Variants in TBC1D22A observed in about 807,000 individuals in gnomAD.
The protein encoded by TBC1D22A is putative GTPase activator.
Under a neutral mutation model 60.2 loss-of-function variants are expected in TBC1D22A, and 38 were observed. That is an observed-to-expected ratio of 0.63 (90% CI 0.49 to 0.83). The LOEUF is 0.83. Ranked by LOEUF, TBC1D22A falls within the 40% of genes least tolerant of loss-of-function variation. The probability of loss-of-function intolerance (pLI) is 0.00; values close to 1 mark genes in which losing one functional copy is unlikely to be tolerated. For synonymous variants in TBC1D22A, 302 were observed against 281.7 expected (o/e 1.07, Z -0.72); for missense variants, 628 against 701.0 (o/e 0.90, Z 1.18).
At chr22:46,974,940 T>C (rs959312119) in intron 9 of TBC1D22A, among the ~76,000 whole-genome samples, 1 of 152,170 alleles carries the variant, frequency 6.6e-6, no homozygotes, top group African/African-American at 2.4e-5. Flanking sequence ...CTGCATCAGC[T>C]AGGGTTAGTG....
intron 5 of TBC1D22A, among the ~76,000 whole-genome samples, chr22:46,884,302 T>TA (rs2068000776): frequency 6.6e-6 from 1 of 152,034 alleles, no homozygotes; most frequent in African/African-American, 2.4e-5. Context: ...AGCAGGGACT[T>TA]AGAGGAGCAA....
chr22:46,995,508 G>C lies in TBC1D22A; in HGVS notation c.1126-2126G>C, dbSNP rs6009091. Among the ~76,000 whole-genome samples, 1,138 of 148,246 alleles carry C rather than the reference G, an allele frequency of 7.7e-3. 19 individuals are homozygous for C. Among genetic ancestry groups the C allele is most frequent in the African/African-American group, 0.029 (1,084 of 37,760 alleles). The stretch of plus-strand genomic sequence containing the variant: ...TCATGTGTGCTCTGCGTGTGTGCAC[G>C]CACTTTGTGTGTGTGTGTGTGTGTG... On this transcript the variant is annotated intron_variant, in intron 9 of 12. Coordinates refer to ENST00000337137, the MANE Select transcript of TBC1D22A (RefSeq NM_014346.5).
chr22:47,044,933 C>G (rs1380249878), intron 11 of TBC1D22A, among the ~76,000 whole-genome samples: 1 of 152,212 alleles, frequency 6.6e-6, no homozygotes, highest in Non-Finnish European at 1.5e-5. Flanking sequence ...CCCTGCAGGC[C>G]TGGCGTGCTC....
At chr22:46,819,896 T>C (rs1254220695) in intron 4 of TBC1D22A, among the ~76,000 whole-genome samples, 1 of 152,238 alleles carries the variant, frequency 6.6e-6, no homozygotes, top group Non-Finnish European at 1.5e-5. Flanking sequence ...AGGCTATTAA[T>C]TACTGCCTCA....
At chr22:47,055,750 C>T (rs972950324) in intron 11 of TBC1D22A, among the ~76,000 whole-genome samples, 2 of 151,942 alleles carry the variant, frequency 1.3e-5, no homozygotes, top group African/African-American at 4.8e-5. Flanking sequence ...GAGGAAAAGG[C>T]CATTTAAAAG....
chr22:47,068,059 C>T (rs568793405), intron 11 of TBC1D22A, among the ~76,000 whole-genome samples: 6 of 152,390 alleles, frequency 3.9e-5, no homozygotes, highest in East Asian at 1.9e-4. Flanking sequence ...TCCGCGAAAG[C>T]GCTCGGCAGG....
chr22:46,860,701 G>T (rs1447702796), intron 4 of TBC1D22A, among the ~76,000 whole-genome samples: 1 of 152,232 alleles, frequency 6.6e-6, no homozygotes, highest in Non-Finnish European at 1.5e-5. Context: ...TCCTGGCTCT[G>T]GCGTGGCCAG....
chr22:47,122,816 G>GTGTGCCCAGCCTCTCTGGC (rs2066317683), intron 12 of TBC1D22A, among the ~76,000 whole-genome samples: 2 of 152,208 alleles, frequency 1.3e-5, no homozygotes, highest in Non-Finnish European at 2.9e-5. Flanking sequence ...TGGTGCCAGG[G>GTGTGCCCAGCCTCTCTGGC]TGTGCCCAGC....
chr22:46,854,709 G>A (rs576492185), intron 4 of TBC1D22A, among the ~76,000 whole-genome samples: 123 of 152,226 alleles, frequency 8.1e-4, no homozygotes, highest in African/African-American at 2.9e-3. Context: ...TGCATTCCAG[G>A]TCCTGGCAGG....
intron 8 of TBC1D22A, among the ~76,000 whole-genome samples, chr22:46,946,712 CAGCATCCTCAGCTGCTGTTGCAGCA>C (rs2072569639): frequency 6.6e-6 from 1 of 152,228 alleles, no homozygotes. Flanking sequence ...CATTCAGTCA[CAGCATCCTCAGCTGCTGTTGCAGCA>C]AGTCTGTGCT....
chr22:46,878,791 A>G (rs550567986), intron 5 of TBC1D22A, 68 bp downstream of exon 5: 1 of 1,504,416 alleles, frequency 6.6e-7, no homozygotes, highest in Non-Finnish European at 9.2e-7. Context: ...GTCTGGCCTG[A>G]GTAGGGCCTG....
intron 5 of TBC1D22A, among the ~76,000 whole-genome samples, chr22:46,883,427 T>C (rs1415405803): frequency 6.6e-6 from 1 of 152,248 alleles, no homozygotes; most frequent in Non-Finnish European, 1.5e-5. Context: ...TAATTTCTAG[T>C]CTTGCTTAAT....
Position 46,990,880 on chromosome 22 carries a change from G to C in TBC1D22A, c.1126-6754G>C, listed in dbSNP as rs1442549603. Among the ~76,000 whole-genome samples the C allele has an allele frequency of 3.3e-5, 5 of 152,208 alleles. No homozygotes were observed. The highest frequency in any genetic ancestry group is 1.2e-4 in the African/African-American group (5 of 41,452). On this transcript the variant is annotated intron_variant, in intron 9 of 12. Transcript: ENST00000337137. This position sits in a 1 kb window ranked among gnomAD's most constrained non-coding sequence, Gnocchi z 4.6. ...AAGTGACCATGGATGGCCTCCTCCT[G>C]CTGGTGTGCCGCTTTACTCTGCTGG...
chr22:46,964,065 C>T (rs977463195), intron 8 of TBC1D22A, among the ~76,000 whole-genome samples: 1 of 152,204 alleles, frequency 6.6e-6, no homozygotes, highest in Non-Finnish European at 1.5e-5. Flanking sequence ...CGGGCTCCTG[C>T]CCCTCCTTGG....
In TBC1D22A at chr22:47,125,228, C is replaced by G. The variant is rs1430267570; in HGVS notation, c.1425+13625C>G. Among the ~76,000 whole-genome samples the G allele has an allele frequency of 2.0e-5, 3 of 152,194 alleles. No individual in the cohort carries two copies. The East Asian group carries it at 5.8e-4, about 29-fold the overall frequency. On this transcript the variant is annotated intron_variant, in intron 12 of 12. Transcript: ENST00000337137. ...ATGCACCCCCCTGGGTTCCTCCTCA[C>G]ACTTCAGGGAGGGCGACCGTCCCCG...
intron 8 of TBC1D22A, among the ~76,000 whole-genome samples, chr22:46,964,074 G>C (rs1306333553): frequency 6.6e-6 from 1 of 152,208 alleles, no homozygotes; most frequent in Non-Finnish European, 1.5e-5. Context: ...GCCCCTCCTT[G>C]GCTGCCAGCG....
chr22:47,029,957 G>A (rs1286619094), intron 10 of TBC1D22A, among the ~76,000 whole-genome samples: 1 of 152,206 alleles, frequency 6.6e-6, no homozygotes, highest in Non-Finnish European at 1.5e-5. Flanking sequence ...AGCGGTTCTT[G>A]GTGTTCTGGC....
At chr22:47,107,269 C>T (rs927665366) in intron 11 of TBC1D22A, among the ~76,000 whole-genome samples, 17 of 152,146 alleles carry the variant, frequency 1.1e-4, no homozygotes, top group Non-Finnish European at 5.9e-5. Flanking sequence ...AAAAGTAGAA[C>T]AGTTGGAAAC....
chr22:46,851,490 C>T (rs2087276183), intron 4 of TBC1D22A, among the ~76,000 whole-genome samples: 1 of 152,270 alleles, frequency 6.6e-6, no homozygotes, highest in Admixed American at 6.5e-5. Flanking sequence ...CTGGCCCAGG[C>T]CCTGAGGCAG....
Sources: gnomAD v4.1 joint callset for allele counts (sites outside exome capture counted in the v4.1 genomes callset) on GRCh38, gnomAD v4.1.1 for gene constraint, Gnocchi (gnomAD v3.1) non-coding constraint, MANE v1.5 for transcripts, NCBI Gene and HGNC (gene_info 2026-07-23, HGNC 2026-07-21) for gene names.